Variants in DLC1 observed in about 807,000 individuals in gnomAD.
The protein encoded by DLC1 is rho GTPase-activating protein 7.
Under a neutral mutation model 140.3 loss-of-function variants are expected in DLC1, and 54 were observed. The ratio of observed to expected loss-of-function variants is 0.38; its 90% confidence interval spans 0.31 to 0.48. The LOEUF is 0.48. Ranked by LOEUF, DLC1 falls within the 20% of genes least tolerant of loss-of-function variation. DLC1 has a pLI of 0.96. For missense variants in DLC1, 2,536 were observed against 1,907.0 expected (o/e 1.33, Z -6.14); for synonymous variants, 986 against 728.1 (o/e 1.35, Z -5.70).
upstream of DLC1, chr8:13,515,013 C>G (rs1802538003): frequency 5.2e-6 from 1 of 191,156 alleles, no homozygotes; most frequent in South Asian, 1.9e-4. Flanking sequence ...ACACAGAACT[C>G]AAGTGAGTTT....
At chr8:13,280,363 C>T (rs1250993246) in intron 5 of DLC1, among the ~76,000 whole-genome samples, 1 of 147,034 alleles carries the variant, frequency 6.8e-6, no homozygotes, top group Non-Finnish European at 1.5e-5. Context: ...TTTCTTATTT[C>T]TGTGATAAAG....
intron 1 of DLC1, among the ~76,000 whole-genome samples, chr8:13,550,196 C>G (rs980103392): frequency 6.6e-6 from 1 of 152,062 alleles, no homozygotes. Context: ...GCAGTTCCCC[C>G]ATGCTGTGCT....
intron 1 of DLC1, among the ~76,000 whole-genome samples, chr8:13,542,871 C>T (rs1174335182): frequency 6.6e-6 from 1 of 151,768 alleles, no homozygotes. Flanking sequence ...TTTGTTGATT[C>T]CCTATGAGTT....
At chr8:13,389,294 A>G (rs144820040) in intron 4 of DLC1, among the ~76,000 whole-genome samples, 22 of 152,256 alleles carry the variant, frequency 1.4e-4, no homozygotes, top group African/African-American at 3.6e-4. Flanking sequence ...CTTTCGTGAA[A>G]CAATCCTATA....
intron 1 of DLC1, among the ~76,000 whole-genome samples, chr8:13,545,378 C>T (rs1351932757): frequency 6.6e-6 from 1 of 151,644 alleles, no homozygotes; most frequent in Non-Finnish European, 1.5e-5. Flanking sequence ...AAAGCTCCAG[C>T]TGCATAAATG....
chr8:13,400,249 T>G (rs952520834), intron 3 of DLC1, among the ~76,000 whole-genome samples: 2 of 152,190 alleles, frequency 1.3e-5, no homozygotes, highest in South Asian at 4.1e-4. Context: ...GAAGGAGAAC[T>G]GACCATCACT....
intron 2 of DLC1, among the ~76,000 whole-genome samples, chr8:13,420,787 T>G (rs1838284056): frequency 6.6e-6 from 1 of 152,186 alleles, no homozygotes; most frequent in Admixed American, 6.6e-5. Context: ...TGCCACATTT[T>G]CCTGACCATT....
At chr8:13,128,505 A>G (rs954738987) in intron 5 of DLC1, among the ~76,000 whole-genome samples, 6 of 152,236 alleles carry the variant, frequency 3.9e-5, no homozygotes, top group Non-Finnish European at 8.8e-5. Context: ...GCCACAATAG[A>G]GAAGTCTCGT....
At chr8:13,234,432 C>G (rs907385482) in intron 5 of DLC1, among the ~76,000 whole-genome samples, 2 of 152,038 alleles carry the variant, frequency 1.3e-5, no homozygotes, top group African/African-American at 4.8e-5. Context: ...CACAAATATC[C>G]TAGTTTAATT....
chr8:13,585,818 C>T (rs1479438711), intron 1 of DLC1, among the ~76,000 whole-genome samples: 1 of 152,160 alleles, frequency 6.6e-6, no homozygotes, highest in East Asian at 1.9e-4. Flanking sequence ...CATAGGGACA[C>T]TGGGTGTATT....
At chr8:13,385,722 C>G (rs1033542456) in intron 4 of DLC1, among the ~76,000 whole-genome samples, 2 of 152,132 alleles carry the variant, frequency 1.3e-5, no homozygotes, top group Admixed American at 6.6e-5. Context: ...CAGCTCAAAA[C>G]TATAGTCAAG....
chr8:13,524,108 T>TTTATTATTA (rs77161996), intron 1 of DLC1, among the ~76,000 whole-genome samples: 30 of 138,716 alleles, frequency 2.2e-4, no homozygotes, highest in Non-Finnish European at 3.1e-4. Context: ...ATCTATTCTA[T>TTTATTATTA]TTATTATTAT....
chr8:13,199,560 G>A (rs1164585240), intron 5 of DLC1, among the ~76,000 whole-genome samples: 2 of 152,036 alleles, frequency 1.3e-5, no homozygotes, highest in Non-Finnish European at 2.9e-5. Context: ...TGCACTTAGT[G>A]TTCCCTTCTG....
At chr8:13,429,515 A>G (rs1838763278) in intron 2 of DLC1, among the ~76,000 whole-genome samples, 1 of 152,024 alleles carries the variant, frequency 6.6e-6, no homozygotes, top group Admixed American at 6.5e-5. Context: ...GAGAAGTAAA[A>G]TACAAAAAGC....
chr8:13,120,458 A>C (rs1182639994), intron 5 of DLC1, among the ~76,000 whole-genome samples: 1 of 150,896 alleles, frequency 6.6e-6, no homozygotes, highest in Non-Finnish European at 1.5e-5. Flanking sequence ...CATATATATT[A>C]TATTACTTTG....
intron 1 of DLC1, among the ~76,000 whole-genome samples, chr8:13,565,085 G>A (rs1183580192): frequency 6.6e-6 from 1 of 152,136 alleles, no homozygotes; most frequent in African/African-American, 2.4e-5. Flanking sequence ...ATATAGTACT[G>A]TTGAGAAATT....
intron 5 of DLC1, among the ~76,000 whole-genome samples, chr8:13,131,115 G>A (rs553714645): frequency 5.3e-5 from 8 of 152,294 alleles, no homozygotes; most frequent in African/African-American, 1.9e-4. Context: ...AGGGGCTGCT[G>A]CCTTACAGGG....
intron 2 of DLC1, among the ~76,000 whole-genome samples, chr8:13,461,600 T>TTATTGGTTTATTTATTTAA (rs1799660928): frequency 6.6e-6 from 1 of 152,214 alleles, no homozygotes; most frequent in Non-Finnish European, 1.5e-5. Context: ...TATAAAATTA[T>TTATTGGTTTATTTATTTAA]TATTGGTTTA....
intron 5 of DLC1, among the ~76,000 whole-genome samples, chr8:13,153,536 C>A (rs971222258): frequency 3.9e-5 from 6 of 152,236 alleles, no homozygotes; most frequent in African/African-American, 1.4e-4. Flanking sequence ...GCAGCCTGCT[C>A]TTATTCCCTT....
Sources: allele counts gnomAD v4.1 joint callset (sites outside exome capture counted in the v4.1 genomes callset), GRCh38; gene constraint gnomAD v4.1.1; transcripts MANE v1.5; gene names NCBI Gene and HGNC (gene_info 2026-07-23, HGNC 2026-07-21).